Variants in TRIM34 observed in about 807,000 individuals in gnomAD.
TRIM34 encodes E3 ubiquitin-protein ligase TRIM34.
Under a neutral mutation model 38.1 loss-of-function variants are expected in TRIM34, and 41 were observed. That is an observed-to-expected ratio of 1.08 (90% CI 0.84 to 1.40). The LOEUF (loss-of-function observed/expected upper bound fraction) is 1.40. TRIM34 is among the 40% of genes most tolerant of loss of function. The probability of loss-of-function intolerance (pLI) is 0.00; values close to 1 mark genes in which losing one functional copy is unlikely to be tolerated. For missense variants in TRIM34, 556 were observed against 571.4 expected (o/e 0.97, Z 0.27); for synonymous variants, 200 against 202.5 (o/e 0.99, Z 0.10).
chr11:5,639,679 CAAAAAA>C (rs58134807), intron 4 of TRIM34, among the ~76,000 whole-genome samples: 14 of 51,140 alleles, frequency 2.7e-4, no homozygotes, highest in South Asian at 1.1e-3. Context: ...GACTCTATTT[CAAAAAA>C]AAAAAAAAAA....
chr11:5,629,238 T>C (rs890144938), intron 1 of TRIM34, among the ~76,000 whole-genome samples: 15 of 151,988 alleles, frequency 9.9e-5, no homozygotes, highest in African/African-American at 3.1e-4. Flanking sequence ...GATTGTACCA[T>C]TGCATTCCAG....
chr11:5,641,874 G>A (rs780490363), intron 5 of TRIM34, among the ~76,000 whole-genome samples: 1 of 152,020 alleles, frequency 6.6e-6, no homozygotes, highest in Non-Finnish European at 1.5e-5. Flanking sequence ...CCGAGTGTTC[G>A]TGTTTCCCAG....
intron 1 of TRIM34, 56 bp from the exon 2 acceptor site, chr11:5,632,199 A>T (rs1214686111): frequency 3.9e-6 from 6 of 1,523,150 alleles, no homozygotes; most frequent in Admixed American, 4.4e-5. Flanking sequence ...TGTCTGTGCA[A>T]TTAGAATGCT....
intron 1 of TRIM34, among the ~76,000 whole-genome samples, chr11:5,631,023 G>A (rs953695274): frequency 6.6e-6 from 1 of 152,204 alleles, no homozygotes; most frequent in Non-Finnish European, 1.5e-5. Context: ...CTCCCTTTAT[G>A]TATTGGGACA....
At chr11:5,641,021 C>A in intron 4 of TRIM34, 146 bp from the exon 5 acceptor site, 1 of 1,115,670 alleles carries the variant, frequency 9.0e-7, no homozygotes, top group South Asian at 2.2e-5. Context: ...CTTGGTGTGT[C>A]TAGCTAAATG....
At chr11:5,623,978 A>G (rs1395813723), upstream of TRIM34, among the ~76,000 whole-genome samples, 1 of 152,192 alleles carries the variant, frequency 6.6e-6, no homozygotes, top group Non-Finnish European at 1.5e-5. Context: ...TACAGCACAG[A>G]AAATGAATCT....
At chr11:5,642,736 T>G in intron 6 of TRIM34, 81 bp from the exon 7 acceptor site, 1 of 1,579,616 alleles carries the variant, frequency 6.3e-7, no homozygotes, top group Non-Finnish European at 8.6e-7. Flanking sequence ...CCTTCCCCTG[T>G]CCCTACTCTA....
At position 5,633,861 on chromosome 11, in the gene TRIM34, C is replaced by G. The variant is rs754552006; in HGVS notation, c.481C>G (p.Leu161Val). 27 of 1,614,084 alleles carry G rather than the reference C, an allele frequency of 1.7e-5. No individual in the cohort carries two copies. Among genetic ancestry groups the G allele is most frequent in the Middle Eastern group, 3.3e-4 (2 of 6,062 alleles). The change falls in exon 3 of 8, where the codon CTG becomes GTG. Residue 161 changes from leucine to valine, a missense_variant. Leu to Val is a conservative substitution (Grantham distance 32, BLOSUM62 1). Transcript: ENST00000429814. Reference sequence around the variant, plus strand: ...GAAGGAAGAGGAGGAAGCTGAGAAGCTGGAAGCTGACATCAGAGAAGAGAA... The same window carrying G: ...GAAGGAAGAGGAGGAAGCTGAGAAGGTGGAAGCTGACATCAGAGAAGAGAA... The part of the protein sequence containing the change: ...LKKEEEEAEK[L>V]EADIREEKTS...
intron 2 of TRIM34, 68 bp downstream of exon 2, chr11:5,632,822 C>CCT: frequency 1.0e-6 from 1 of 982,828 alleles, no homozygotes; most frequent in South Asian, 2.1e-5. Context: ...CCTTTTCATC[C>CCT]TTTTTTTTTT....
chr11:5,627,651 A>G (rs543706788), intron 1 of TRIM34, among the ~76,000 whole-genome samples: 1 of 152,322 alleles, frequency 6.6e-6, no homozygotes, highest in African/African-American at 2.4e-5. Context: ...AATGTGGTAT[A>G]GATTGGGCCC....
chr11:5,622,480 G>C (rs963975259), upstream of TRIM34, among the ~76,000 whole-genome samples: 3 of 102,260 alleles, frequency 2.9e-5, no homozygotes, highest in Admixed American at 3.4e-4. Flanking sequence ...AAATTAGCTG[G>C]ACGTGGTGGC....
At chr11:5,641,361 T>C (rs1850004927) in intron 5 of TRIM34, 172 bp downstream of exon 5, 1 of 1,439,604 alleles carries the variant, frequency 6.9e-7, no homozygotes, top group Admixed American at 2.5e-5. Flanking sequence ...TCCGTAACTA[T>C]TAATGGACTC....
At chr11:5,637,124 G>A (rs575179963) in intron 4 of TRIM34, among the ~76,000 whole-genome samples, 5 of 152,092 alleles carry the variant, frequency 3.3e-5, no homozygotes, top group African/African-American at 1.2e-4. Context: ...AGTGAGCCAA[G>A]ATGGCGCCAC....
At position 5,643,568 on chromosome 11, in the gene TRIM34, C is replaced by T. The variant is rs142540531; in HGVS notation, c.1326C>T (p.Gly442=). Residue 442 remains glycine, a synonymous_variant, in exon 8 of 8, where the codon GGC becomes GGT. Coordinates refer to ENST00000429814, the MANE Select transcript of TRIM34 (RefSeq NM_021616.6). The stretch of plus-strand genomic sequence containing the variant: ...GGGTTTTCCTCGACTATGAAGCAGG[C>T]ATTGTCTCATTTTTCAATGTCACAA... ...RVGVFLDYEA[G]IVSFFNVTSH... 1.0e-4 allele frequency: 163 copies of T among 1,614,156 alleles called. No individual in the cohort carries two copies. The African/African-American group carries it at 2.0e-3, about 20-fold the overall frequency.
At chr11:5,638,738 T>G (rs1354736715) in intron 4 of TRIM34, among the ~76,000 whole-genome samples, 2 of 151,870 alleles carry the variant, frequency 1.3e-5, no homozygotes, top group Non-Finnish European at 2.9e-5. Context: ...CTGGTGCCGT[T>G]TTTTCTTCTT....
rs774414692 is a variant in TRIM34, at chr11:5,643,374, G to T, written c.1132G>T (p.Val378Phe). ...RTYSRHMKYV[V>F]RRCANRQNLY... ...ATATTCCCGCCATATGAAGTATGTT[G>T]TTAGAAGATGTGCAAATCGTCAAAA... Residue 378 changes from valine (V) to phenylalanine (F), a missense_variant, in exon 8 of 8, where the codon GTT becomes TTT. By Grantham distance (50) the Val-to-Phe change is conservative. Coordinates refer to ENST00000429814, the MANE Select transcript of TRIM34 (RefSeq NM_021616.6). 1.2e-6 allele frequency: 2 copies of T among 1,613,988 alleles called. No homozygotes were observed. Among genetic ancestry groups the T allele is most frequent in the African/African-American group, 2.7e-5 (2 of 74,916 alleles).
chr11:5,635,598 C>T (rs561672942), intron 4 of TRIM34, among the ~76,000 whole-genome samples: 1 of 152,006 alleles, frequency 6.6e-6, no homozygotes, highest in African/African-American at 2.4e-5. Context: ...GAATATTGAG[C>T]CTTTTGGGGA....
upstream of TRIM34, among the ~76,000 whole-genome samples, chr11:5,623,643 G>A (rs1378666869): frequency 4.0e-5 from 6 of 150,898 alleles, no homozygotes; most frequent in Non-Finnish European, 7.4e-5. Context: ...ACCTCCCAAA[G>A]TTCTGGGATT....
At chr11:5,628,965 G>A (rs534929653) in intron 1 of TRIM34, among the ~76,000 whole-genome samples, 83 of 152,152 alleles carry the variant, frequency 5.5e-4, no homozygotes, top group African/African-American at 2.0e-3. Flanking sequence ...GTGTCTGTAT[G>A]TCTTCTCCTC....
Sources: gnomAD v4.1 joint callset for allele counts (sites outside exome capture counted in the v4.1 genomes callset) on GRCh38, gnomAD v4.1.1 for gene constraint, MANE v1.5 for transcripts, NCBI Gene and HGNC (gene_info 2026-07-23, HGNC 2026-07-21) for gene names.